NPHP3: variants seen among roughly 807,000 people sequenced by gnomAD.
NPHP3 encodes nephrocystin 3.
A neutral mutation model predicts 171.9 loss-of-function variants in NPHP3; 123 were observed. The ratio of observed to expected loss-of-function variants is 0.72; its 90% CI spans 0.62 to 0.83. The LOEUF is 0.83. NPHP3 is among the 40% of genes least tolerant of loss of function. NPHP3 has a pLI of 0.00. For missense variants in NPHP3, 1,506 were observed against 1,591.9 expected (o/e 0.95, Z 0.92); for synonymous variants, 558 against 579.2 (o/e 0.96, Z 0.52).
chr3:132,722,376 C>A lies in NPHP3; in HGVS notation c.-21G>T. 1 of 1,573,908 alleles carries A rather than the reference C, an allele frequency of 6.4e-7. No individual in the cohort carries two copies. The highest frequency in any genetic ancestry group is 1.7e-5 in the Admixed American group (1 of 57,610). On this transcript the variant is annotated 5_prime_UTR_variant, in exon 1 of 27. Coordinates refer to ENST00000337331, the MANE Select transcript of NPHP3 (RefSeq NM_153240.5). ...CCCATGGCGTCCGTTGCCGCTACTA[C>A]CTAGTGAGTACCAGCAGGACTGGGC... is the stretch of plus-strand genomic sequence containing the variant.
Position 132,709,322 on chromosome 3 carries a change from A to G in NPHP3, c.1119-1065T>C, listed in dbSNP as rs576968875. Among the ~76,000 whole-genome samples, 99 of 110,462 alleles carry G rather than the reference A, an allele frequency of 9.0e-4. 1 individual carries two copies. The highest frequency in any genetic ancestry group is 3.5e-3 in the African/African-American group (96 of 27,552). 72.5% of individuals were successfully genotyped at this position (110,462 alleles called of 152,430 possible). ...TTTTGAGACAGGGTCTCACTCTGTC[A>G]CCCAGCCTGGTGTGCAGTGGTGCAA... On this transcript the variant is annotated intron_variant, in intron 6 of 26. Transcript: ENST00000337331.
At chr3:132,698,012 C>T (rs1449423566) in intron 13 of NPHP3, among the ~76,000 whole-genome samples, 3 of 151,078 alleles carry the variant, frequency 2.0e-5, no homozygotes, top group African/African-American at 7.3e-5. Flanking sequence ...GGCAGAGTCT[C>T]GTACTGTTGC....
At chr3:132,710,740 G>A (rs893908666) in intron 6 of NPHP3, among the ~76,000 whole-genome samples, 1 of 152,062 alleles carries the variant, frequency 6.6e-6, no homozygotes, top group Non-Finnish European at 1.5e-5. Flanking sequence ...CTTCCATGAA[G>A]TGAGGCTGGT....
rs1940241779 is a variant in NPHP3, at chr3:132,722,017, G to A, written c.339C>T (p.Gly113=). 1 of 1,613,220 alleles carries A rather than the reference G, an allele frequency of 6.2e-7. No individual in the cohort carries two copies. Among genetic ancestry groups the A allele is most frequent in the Non-Finnish European group, 8.5e-7 (1 of 1,179,906 alleles). Residue 113 remains glycine, a synonymous_variant, in exon 1 of 27, where the codon GGC becomes GGT. Transcript: ENST00000337331. Reference sequence around the variant, plus strand: ...CCGTGTCCAGCTTGGCCTCGCGGCGGCCCATGGACAACAACTCCTGGTTCT... The same window carrying A: ...CCGTGTCCAGCTTGGCCTCGCGGCGACCCATGGACAACAACTCCTGGTTCT... ...VSKNQELLSM[G]RREAKLDTEN...
intron 4 of NPHP3, 41 bp downstream of exon 4, chr3:132,716,716 C>T: frequency 6.3e-7 from 1 of 1,599,050 alleles, no homozygotes; most frequent in African/African-American, 1.3e-5. Flanking sequence ...CATGAACAGT[C>T]ACTACCACTA....
Position 132,683,542 on chromosome 3 carries a change from A to C in NPHP3, c.3571-18T>G. Reference sequence around the variant, plus strand: ...AGTTTCCCCTAAAAAACAAGAGTTAAATCTAACAAAAATATAAGGCAATAA... The same window carrying C: ...AGTTTCCCCTAAAAAACAAGAGTTACATCTAACAAAAATATAAGGCAATAA... On this transcript the variant is annotated intron_variant, in intron 24 of 26. Coordinates refer to ENST00000337331, the MANE Select transcript of NPHP3 (RefSeq NM_153240.5). 1 of 1,601,052 alleles carries C rather than the reference A, an allele frequency of 6.2e-7. No homozygotes were observed. Among genetic ancestry groups the C allele is most frequent in the Non-Finnish European group, 8.6e-7 (1 of 1,169,220 alleles).
chr3:132,699,226 A>G (rs1429810540), intron 13 of NPHP3, 127 bp downstream of exon 13: 2 of 678,830 alleles, frequency 2.9e-6, no homozygotes, highest in East Asian at 5.5e-5. Flanking sequence ...AAATTCACCC[A>G]CTTCTCCCCA....
chr3:132,699,788 G>T, intron 12 of NPHP3, 130 bp downstream of exon 12: 1 of 1,036,410 alleles, frequency 9.6e-7, no homozygotes, highest in Non-Finnish European at 1.4e-6. Flanking sequence ...TACCTCCCTA[G>T]AAATAAAGCA....
intron 21 of NPHP3, 47 bp from the exon 22 acceptor site, chr3:132,687,273 G>A: frequency 2.4e-6 from 2 of 840,176 alleles, no homozygotes; most frequent in Non-Finnish European, 4.0e-6. Flanking sequence ...CATATTCAAA[G>A]TATACTTCAG....
chr3:132,705,327 C>A (rs1939718462), intron 8 of NPHP3, among the ~76,000 whole-genome samples: 1 of 152,134 alleles, frequency 6.6e-6, no homozygotes, highest in African/African-American at 2.4e-5. Context: ...GTTCTCACCC[C>A]CCTGGAGGCA....
At chr3:132,710,788 A>G (rs1158798867) in intron 6 of NPHP3, among the ~76,000 whole-genome samples, 1 of 152,190 alleles carries the variant, frequency 6.6e-6, no homozygotes, top group African/African-American at 2.4e-5. Context: ...CTGGAAAAGC[A>G]GTGCAGGAGC....
intron 12 of NPHP3, 70 bp downstream of exon 12, chr3:132,699,848 C>A (rs1939559311): frequency 6.7e-7 from 1 of 1,492,778 alleles, no homozygotes; most frequent in Non-Finnish European, 9.3e-7. Context: ...ATATAAATGC[C>A]TGCTCTAGCT....
At chr3:132,700,912 AAAT>A (rs1939589613) in intron 10 of NPHP3, among the ~76,000 whole-genome samples, 1 of 152,204 alleles carries the variant, frequency 6.6e-6, no homozygotes, top group Middle Eastern at 3.2e-3. Context: ...TAACATAATG[AAAT>A]AATAAAGTTT....
At chr3:132,690,782 A>T in intron 18 of NPHP3, 132 bp from the exon 19 acceptor site, 1 of 927,624 alleles carries the variant, frequency 1.1e-6, no homozygotes, top group Non-Finnish European at 1.6e-6. Context: ...ATTTAATACT[A>T]AAAAAGTTAG....
At chr3:132,709,765 T>C (rs1939860496) in intron 6 of NPHP3, among the ~76,000 whole-genome samples, 1 of 152,190 alleles carries the variant, frequency 6.6e-6, no homozygotes, top group Non-Finnish European at 1.5e-5. Context: ...GCCCAAAATA[T>C]TAAAAATTAA....
At position 132,689,245 on chromosome 3, in the gene NPHP3, C is replaced by G; in HGVS notation, c.2712G>C (p.Leu904Phe). The change falls in exon 20 of 27, where the codon TTG becomes TTC. Residue 904 changes from leucine to phenylalanine, a missense_variant. By Grantham distance (22) the Leu-to-Phe change is conservative. Coordinates refer to ENST00000337331, the MANE Select transcript of NPHP3 (RefSeq NM_153240.5). ...TGCCAACAAACTGCCAATAACTCAGCAACTCAGCAAAGTGTCCCCTGTTTC... is the reference window on the plus strand; with the variant it reads ...TGCCAACAAACTGCCAATAACTCAGGAACTCAGCAAAGTGTCCCCTGTTTC... Reference protein sequence around the residue: ...NLYKRGHFAELLSYWQFVGKD... With the variant: ...NLYKRGHFAEFLSYWQFVGKD... The G allele has an allele frequency of 6.2e-7, 1 of 1,614,126 alleles. No individual in the cohort carries two copies. The highest frequency in any genetic ancestry group is 8.5e-7 in the Non-Finnish European group (1 of 1,179,956).
At position 132,697,180 on chromosome 3, in the gene NPHP3, T is replaced by C. The variant is rs879027914; in HGVS notation, c.2088+80A>G. The C allele has an allele frequency of 1.4e-5, 14 of 989,374 alleles. No individual in the cohort carries two copies. The South Asian group carries it at 1.7e-4, about 12-fold the overall frequency. 61.3% of individuals were successfully genotyped at this position (989,374 alleles called of 1,614,324 possible). A position where few individuals can be genotyped will look rare whatever the true frequency, so the allele number is the denominator to read the frequency against. On this transcript the variant is annotated intron_variant, in intron 14 of 26. Transcript: ENST00000337331. ...TTTTCCTTATAACAGATCCCCTATA[T>C]TGAATTTTAAGTCTCACATAAGATG...
intron 15 of NPHP3, chr3:132,695,242 C>T (rs916817225): frequency 2.0e-5 from 7 of 346,478 alleles, no homozygotes; most frequent in Middle Eastern, 9.2e-4. Context: ...GAGTCAGACA[C>T]GGTTCTTATT....
chr3:132,720,678 A>AC (rs953512776), intron 1 of NPHP3, among the ~76,000 whole-genome samples: 2 of 152,272 alleles, frequency 1.3e-5, no homozygotes, highest in Admixed American at 6.5e-5. Flanking sequence ...CAACAACAAC[A>AC]ACAAAACCTG....
Sources: gnomAD v4.1 joint callset for allele counts (sites outside exome capture counted in the v4.1 genomes callset) on GRCh38, gnomAD v4.1.1 for gene constraint, MANE v1.5 for transcripts, NCBI Gene and HGNC (gene_info 2026-07-23, HGNC 2026-07-21) for gene names.